Variants in SNTG2 observed in about 807,000 individuals in gnomAD.
The protein encoded by SNTG2 is gamma-2-syntrophin.
SNTG2 carries 74 observed loss-of-function variants against 70.9 expected under a neutral mutation model. That is an observed-to-expected ratio of 1.04 (90% CI 0.86 to 1.27). The LOEUF (loss-of-function observed/expected upper bound fraction) is 1.27, where lower values mean the gene tolerates loss of function less well. Among genes scored for constraint, SNTG2 ranks in the 50% most tolerant of loss-of-function variants. SNTG2 has a pLI of 0.00. For missense variants in SNTG2, 717 were observed against 690.7 expected (o/e 1.04, Z -0.43); for synonymous variants, 278 against 273.8 (o/e 1.02, Z -0.15).
At chr2:959,722 C>T (rs767213304) in intron 1 of SNTG2, among the ~76,000 whole-genome samples, 71 of 150,374 alleles carry the variant, frequency 4.7e-4, no homozygotes, top group Admixed American at 1.3e-3. Context: ...GGCTGCATCT[C>T]GGGTGCCGCT....
chr2:1,284,206 C>T (rs966637635), intron 14 of SNTG2, among the ~76,000 whole-genome samples: 8 of 152,270 alleles, frequency 5.3e-5, no homozygotes, highest in African/African-American at 1.7e-4. Flanking sequence ...ATTTCTGCTC[C>T]GTCATTCATT....
chr2:1,043,191 G>C (rs1054719802), intron 1 of SNTG2, among the ~76,000 whole-genome samples: 1 of 152,114 alleles, frequency 6.6e-6, no homozygotes, highest in Admixed American at 6.5e-5. Flanking sequence ...GCCTGTTCAT[G>C]TCCTTTGCCC....
chr2:1,267,724 C>T (rs1157320951), intron 14 of SNTG2, among the ~76,000 whole-genome samples, 153 bp downstream of exon 14: 1 of 150,314 alleles, frequency 6.7e-6, no homozygotes, highest in Admixed American at 6.6e-5. Context: ...TGATCGTTCG[C>T]ACGGAGTCAT....
chr2:1,005,886 T>G (rs1659556996), intron 1 of SNTG2, among the ~76,000 whole-genome samples: 2 of 132,222 alleles, frequency 1.5e-5, no homozygotes, highest in Non-Finnish European at 1.6e-5. Flanking sequence ...AACGTTGACA[T>G]TGCTCTTGAG....
At chr2:1,121,575 A>G (rs1667380995) in intron 4 of SNTG2, among the ~76,000 whole-genome samples, 1 of 151,038 alleles carries the variant, frequency 6.6e-6, no homozygotes, top group Admixed American at 6.6e-5. Context: ...TTTGACTCAC[A>G]GTTCCGCATG....
At chr2:1,307,005 G>A (rs928794794) in intron 14 of SNTG2, among the ~76,000 whole-genome samples, 5 of 151,402 alleles carry the variant, frequency 3.3e-5, no homozygotes, top group Non-Finnish European at 5.9e-5. Context: ...GTCATGCACT[G>A]TGTGTGTCTG....
intron 1 of SNTG2, among the ~76,000 whole-genome samples, chr2:972,541 T>A (rs916934039): frequency 6.6e-6 from 1 of 152,166 alleles, no homozygotes. Context: ...CACTTGACAC[T>A]ATTGATACAG....
chr2:1,153,473 A>G (rs1669655221), intron 6 of SNTG2, among the ~76,000 whole-genome samples: 1 of 152,240 alleles, frequency 6.6e-6, no homozygotes, highest in Admixed American at 6.5e-5. Context: ...CCTCTGAATT[A>G]TAAAGAAAAT....
intron 6 of SNTG2, among the ~76,000 whole-genome samples, chr2:1,147,447 C>T (rs1335703567): frequency 6.6e-6 from 1 of 152,206 alleles, no homozygotes; most frequent in East Asian, 1.9e-4. Context: ...CCTAGCCTCC[C>T]AGCCTACATC....
chr2:973,451 T>C (rs1660809241), intron 1 of SNTG2, among the ~76,000 whole-genome samples: 1 of 151,928 alleles, frequency 6.6e-6, no homozygotes, highest in Non-Finnish European at 1.5e-5. Context: ...TTTTGTTGAG[T>C]TTTTGCCATT....
intron 1 of SNTG2, among the ~76,000 whole-genome samples, chr2:1,016,598 G>A (rs1040235027): frequency 6.6e-6 from 1 of 152,218 alleles, no homozygotes; most frequent in Non-Finnish European, 1.5e-5. Flanking sequence ...CTGACAGGCT[G>A]CCTCCAGCAG....
chr2:1,203,879 T>C (rs1463103515), intron 8 of SNTG2, among the ~76,000 whole-genome samples: 1 of 152,050 alleles, frequency 6.6e-6, no homozygotes, highest in African/African-American at 2.4e-5. Context: ...AAAATCCAAA[T>C]TTAGATGACA....
rs1664471797 is a variant in SNTG2, at chr2:1,083,429, T to C, written c.73-89T>C. The C allele has an allele frequency of 2.9e-6, 4 of 1,398,748 alleles. No individual in the cohort carries two copies. In the Admixed American group the frequency reaches 7.0e-5, roughly 25 times the overall value. The allele number at this position is 1,398,748 out of a possible 1,614,324, so 86.6% of individuals were successfully genotyped here. ...GAGCACTACACGTGCATTTTAGGAT[T>C]GTCTTGAGCAGGAGGCGTGCGTCAC... On this transcript the variant is annotated intron_variant, in intron 1 of 16. Coordinates refer to ENST00000308624, the MANE Select transcript of SNTG2 (RefSeq NM_018968.4).
intron 6 of SNTG2, among the ~76,000 whole-genome samples, chr2:1,143,121 CA>C (rs1668864207): frequency 6.6e-6 from 1 of 152,144 alleles, no homozygotes; most frequent in Non-Finnish European, 1.5e-5. Flanking sequence ...TATGAATGTG[CA>C]AAAGGGACAC....
At chr2:1,347,491 G>T (rs1022812731) in intron 16 of SNTG2, among the ~76,000 whole-genome samples, 1 of 152,182 alleles carries the variant, frequency 6.6e-6, no homozygotes, top group African/African-American at 2.4e-5. Flanking sequence ...ACAACCACTG[G>T]TTCTTCTTAA....
intron 1 of SNTG2, among the ~76,000 whole-genome samples, chr2:1,066,557 A>C (rs1383802949): frequency 6.6e-6 from 1 of 151,526 alleles, no homozygotes; most frequent in African/African-American, 2.4e-5. Context: ...TCTTGGTGCA[A>C]GTTTGGCTTT....
intron 1 of SNTG2, among the ~76,000 whole-genome samples, chr2:982,064 A>G (rs1661121788): frequency 6.6e-6 from 1 of 152,200 alleles, no homozygotes; most frequent in South Asian, 2.1e-4. Flanking sequence ...GTCCACACCC[A>G]CACACATGCA....
At chr2:1,278,873 C>T (rs187292413) in intron 14 of SNTG2, among the ~76,000 whole-genome samples, 1 of 151,990 alleles carries the variant, frequency 6.6e-6, no homozygotes, top group Non-Finnish European at 1.5e-5. Flanking sequence ...GCACATCATT[C>T]TGAGTACTGT....
At chr2:1,165,747 AT>A in intron 7 of SNTG2, 112 bp downstream of exon 7, 1 of 906,352 alleles carries the variant, frequency 1.1e-6, no homozygotes, top group East Asian at 2.6e-5. Flanking sequence ...CTGAGTGTAC[AT>A]TCAGAGAGAA....
Sources: gnomAD v4.1 joint callset for allele counts (sites outside exome capture counted in the v4.1 genomes callset) on GRCh38, gnomAD v4.1.1 for gene constraint, MANE v1.5 for transcripts, NCBI Gene and HGNC (gene_info 2026-07-23, HGNC 2026-07-21) for gene names.